Variants in PSMD1 observed in about 807,000 individuals in gnomAD.
PSMD1 encodes 26S proteasome non-ATPase regulatory subunit 1.
A neutral mutation model predicts 119.0 loss-of-function variants in PSMD1; 18 were observed. The ratio of observed to expected loss-of-function variants is 0.15; its 90% CI spans 0.10 to 0.22. The LOEUF (loss-of-function observed/expected upper bound fraction) is 0.22. PSMD1 is among the 10% of genes least tolerant of loss of function. PSMD1 has a pLI of 1.00. For missense variants in PSMD1, 702 were observed against 1,158.5 expected, an observed-to-expected ratio of 0.61 and a Z score of 5.72; for synonymous variants, 374 against 396.6, an observed-to-expected ratio of 0.94 and a Z score of 0.68.
chr2:231,125,721 T>C (rs1175128551), intron 16 of PSMD1, among the ~76,000 whole-genome samples: 1 of 152,204 alleles, frequency 6.6e-6, no homozygotes, highest in African/African-American at 2.4e-5. Context: ...AGAAAATTGG[T>C]GTTTAAATCT....
At chr2:231,157,202 G>A (rs548493427) in intron 19 of PSMD1, among the ~76,000 whole-genome samples, 1 of 151,970 alleles carries the variant, frequency 6.6e-6, no homozygotes, top group Admixed American at 6.6e-5. Context: ...GTTAAGAATT[G>A]GGGGAGACTG....
chr2:231,160,383 C>T (rs572992768), intron 19 of PSMD1, among the ~76,000 whole-genome samples: 5 of 152,256 alleles, frequency 3.3e-5, no homozygotes, highest in East Asian at 1.9e-4. Context: ...TCAATGCTTT[C>T]GTAGATTTTT....
rs1694356779 is a variant in PSMD1 at position 231,083,239 on chromosome 2, A to G, written c.1525+245A>G. Among the ~76,000 whole-genome samples, 7 of 152,238 alleles carry G rather than the reference A, an allele frequency of 4.6e-5. 1 individual carries two copies. Among genetic ancestry groups the G allele is most frequent in the Admixed American group, 4.6e-4 (7 of 15,272 alleles). Reference sequence around the variant, plus strand: ...AACTGACTTTTGCAAACAGGAATTTATTAGGGTGATCTGCTTACTCCATAC... The same window carrying G: ...AACTGACTTTTGCAAACAGGAATTTGTTAGGGTGATCTGCTTACTCCATAC... On this transcript the variant is annotated intron_variant, in intron 13 of 24. Transcript: ENST00000308696.
chr2:231,107,934 T>G (rs1208010324), intron 16 of PSMD1, among the ~76,000 whole-genome samples: 1 of 152,228 alleles, frequency 6.6e-6, no homozygotes, highest in Non-Finnish European at 1.5e-5. Flanking sequence ...TTCTTGTTAT[T>G]TTGTGTGATA....
intron 19 of PSMD1, among the ~76,000 whole-genome samples, chr2:231,154,551 T>C (rs1457405110): frequency 6.6e-6 from 1 of 152,228 alleles, no homozygotes; most frequent in Non-Finnish European, 1.5e-5. Flanking sequence ...TGCTGCAGCC[T>C]TAACCTCCTG....
intron 4 of PSMD1, among the ~76,000 whole-genome samples, chr2:231,062,925 G>A (rs1244695853): frequency 6.6e-6 from 1 of 152,116 alleles, no homozygotes; most frequent in Non-Finnish European, 1.5e-5. Context: ...AATCAGATTA[G>A]TATGAGTAAC....
At chr2:231,107,880 A>C (rs1362664568) in intron 16 of PSMD1, among the ~76,000 whole-genome samples, 1 of 152,254 alleles carries the variant, frequency 6.6e-6, no homozygotes, top group Non-Finnish European at 1.5e-5. Context: ...TGTGCTGAGT[A>C]GAAGCTCAAT....
chr2:231,130,300 A>G (rs565178280), intron 16 of PSMD1, among the ~76,000 whole-genome samples: 3 of 152,336 alleles, frequency 2.0e-5, no homozygotes, highest in African/African-American at 7.2e-5. Flanking sequence ...TTTAAATAAC[A>G]TATCAAAACA....
At chr2:231,098,749 C>T (rs989684449) in intron 16 of PSMD1, among the ~76,000 whole-genome samples, 2 of 152,176 alleles carry the variant, frequency 1.3e-5, no homozygotes, top group Admixed American at 1.3e-4. Context: ...AACTGAGGTC[C>T]TAAGAATTGG....
At chr2:231,116,252 C>A (rs1559237304) in intron 16 of PSMD1, among the ~76,000 whole-genome samples, 2 of 151,982 alleles carry the variant, frequency 1.3e-5, no homozygotes, top group East Asian at 3.8e-4. Context: ...GTGGAAACTA[C>A]TAAAAATGAG....
At chr2:231,068,051 C>G (rs1441684106) in intron 5 of PSMD1, among the ~76,000 whole-genome samples, 2 of 152,272 alleles carry the variant, frequency 1.3e-5, no homozygotes, top group East Asian at 1.9e-4. Context: ...AATACCCATG[C>G]CTTCCTCAGC....
rs1696938490 is a variant in PSMD1 at position 231,172,708 on chromosome 2, T to A, written c.*183T>A. 1 of 152,304 alleles carries A rather than the reference T, an allele frequency of 6.6e-6. No homozygotes were observed. The highest frequency in any genetic ancestry group is 1.9e-4 in the East Asian group (1 of 5,190). 9.4% of individuals were successfully genotyped at this position (152,304 alleles called of 1,614,324 possible). ...GAAGATATATGACTGTTGAGTGTGC[T>A]CTTTCACAGAACTTGGTTTTCAAAT... is the stretch of plus-strand genomic sequence containing the variant. On this transcript the variant is annotated 3_prime_UTR_variant, in exon 25 of 25. Coordinates refer to ENST00000308696, the MANE Select transcript of PSMD1 (RefSeq NM_002807.4).
At chr2:231,079,360 C>T (rs113470195) in intron 10 of PSMD1, among the ~76,000 whole-genome samples, 176 bp from the exon 11 acceptor site, 3 of 151,928 alleles carry the variant, frequency 2.0e-5, no homozygotes, top group African/African-American at 7.2e-5. Flanking sequence ...TTTAAAAATC[C>T]TTAAAATACT....
intron 4 of PSMD1, among the ~76,000 whole-genome samples, chr2:231,064,330 A>G (rs1693842192): frequency 6.6e-6 from 1 of 152,208 alleles, no homozygotes; most frequent in South Asian, 2.1e-4. Flanking sequence ...AGGACTCATA[A>G]ATCTCCAAGT....
intron 16 of PSMD1, among the ~76,000 whole-genome samples, chr2:231,127,265 C>T (rs980754998): frequency 6.5e-5 from 9 of 139,096 alleles, no homozygotes; most frequent in Non-Finnish European, 1.3e-4. Flanking sequence ...GAAACAGCAA[C>T]AACAACAACA....
rs1489769923 is a variant in PSMD1, at chr2:231,131,631, G to A, written c.1884-7105G>A. ...CAAAAAATTAGCCGGGCGTAGTGGC[G>A]GGCGCCTGTAGTCCCAGCTACTTGG... On this transcript the variant is annotated intron_variant, in intron 16 of 24. Coordinates refer to ENST00000308696, the MANE Select transcript of PSMD1 (RefSeq NM_002807.4). Among the ~76,000 whole-genome samples, 3 of 92,326 alleles carry A rather than the reference G, an allele frequency of 3.2e-5. 1 individual carries two copies. The highest frequency in any genetic ancestry group is 2.7e-4 in the Admixed American group (3 of 10,934). The allele number at this position is 92,326 out of a possible 152,430, so 60.6% of individuals were successfully genotyped here.
intron 16 of PSMD1, chr2:231,123,682 G>T: frequency 1.2e-6 from 2 of 1,614,072 alleles, no homozygotes; most frequent in Non-Finnish European, 1.7e-6. Flanking sequence ...CCAGTTAGAA[G>T]AGATAACGTG....
rs11364554 is a variant in PSMD1 at position 231,107,009 on chromosome 2, A to AT, written c.1883+19837dup. Among the ~76,000 whole-genome samples, 398 of 151,740 alleles carry AT rather than the reference A, an allele frequency of 2.6e-3. 4 individuals are homozygous for AT. Among genetic ancestry groups the AT allele is most frequent in the South Asian group, 4.2e-4 (2 of 4,794 alleles). Reference sequence around the variant, plus strand: ...GAACCAAAAACCAAAATAGAGAATGATTTTTTTTTAAGGAATGTAAATTAT... The same window carrying AT: ...GAACCAAAAACCAAAATAGAGAATGATTTTTTTTTTAAGGAATGTAAATTAT... On this transcript the variant is annotated intron_variant, in intron 16 of 24. Transcript: ENST00000308696.
chr2:231,164,259 G>C (rs1696706010), intron 21 of PSMD1, among the ~76,000 whole-genome samples: 1 of 152,090 alleles, frequency 6.6e-6, no homozygotes, highest in African/African-American at 2.4e-5. Context: ...TAGAATCCTG[G>C]ATGTCAGGTT....
Sources: gnomAD v4.1 joint callset for allele counts (sites outside exome capture counted in the v4.1 genomes callset) on GRCh38, gnomAD v4.1.1 for gene constraint, MANE v1.5 for transcripts, NCBI Gene and HGNC (gene_info 2026-07-23, HGNC 2026-07-21) for gene names.